AK8: variants seen among roughly 807,000 people sequenced by gnomAD.
AK8 encodes the protein ATP-AMP transphosphorylase 8.
Under a neutral mutation model 54.6 loss-of-function variants are expected in AK8, and 44 were observed. The ratio of observed to expected loss-of-function variants is 0.81; its 90% CI spans 0.63 to 1.04. The LOEUF (loss-of-function observed/expected upper bound fraction) is 1.04, where lower values mean the gene tolerates loss of function less well. AK8 is among the 50% of genes least tolerant of loss of function. The pLI is 0.00. For missense variants in AK8, 555 were observed against 613.6 expected (o/e 0.90, Z 1.01); for synonymous variants, 239 against 245.6 (o/e 0.97, Z 0.25).
chr9:132,778,772 T>C (rs1367614824), intron 11 of AK8, among the ~76,000 whole-genome samples: 1 of 152,090 alleles, frequency 6.6e-6, no homozygotes, highest in Non-Finnish European at 1.5e-5. Flanking sequence ...TTGGACATAA[T>C]TGAAACAAAA....
intron 5 of AK8, among the ~76,000 whole-genome samples, chr9:132,850,545 C>T (rs1049040911): frequency 6.6e-6 from 1 of 152,050 alleles, no homozygotes; most frequent in East Asian, 1.9e-4. Context: ...TTACAGGCAC[C>T]CACCACCATG....
At chr9:132,740,730 G>A (rs1361416258) in intron 11 of AK8, among the ~76,000 whole-genome samples, 2 of 152,232 alleles carry the variant, frequency 1.3e-5, no homozygotes, top group East Asian at 3.9e-4. Flanking sequence ...CCCCACTCTG[G>A]GGCTGCATCC....
At chr9:132,835,325 T>C (rs770139088) in intron 5 of AK8, among the ~76,000 whole-genome samples, 8 of 152,206 alleles carry the variant, frequency 5.3e-5, no homozygotes, top group Non-Finnish European at 1.2e-4. Flanking sequence ...AGCTCTGAGG[T>C]TGGCCCCAAG....
At chr9:132,839,787 CTG>C (rs940386228) in intron 5 of AK8, among the ~76,000 whole-genome samples, 4 of 138,150 alleles carry the variant, frequency 2.9e-5, no homozygotes, top group Admixed American at 1.6e-4. Context: ...ATACCTGAAA[CTG>C]TGTAAATTGT....
chr9:132,798,731 C>T (rs969440151), intron 10 of AK8, among the ~76,000 whole-genome samples: 5 of 151,466 alleles, frequency 3.3e-5, no homozygotes, highest in African/African-American at 4.8e-5. Flanking sequence ...TAAAAGATGG[C>T]AGTCCTCAAG....
intron 8 of AK8, among the ~76,000 whole-genome samples, chr9:132,824,300 A>AC (rs1174843877): frequency 1.3e-5 from 2 of 152,114 alleles, no homozygotes; most frequent in Non-Finnish European, 2.9e-5. Flanking sequence ...CCCCAGGGAG[A>AC]CCTTCCCCCT....
At chr9:132,836,780 C>T (rs1842341610) in intron 5 of AK8, among the ~76,000 whole-genome samples, 1 of 152,242 alleles carries the variant, frequency 6.6e-6, no homozygotes, top group African/African-American at 2.4e-5. Context: ...ATCACTTGGC[C>T]AGCTGCCCTC....
intron 11 of AK8, among the ~76,000 whole-genome samples, chr9:132,731,034 G>C (rs1267887405): frequency 6.6e-6 from 1 of 152,162 alleles, no homozygotes; most frequent in Non-Finnish European, 1.5e-5. Context: ...GAACTACCGG[G>C]TATGGATCAT....
intron 11 of AK8, among the ~76,000 whole-genome samples, chr9:132,789,597 C>CAAAAAAAAAAAAAAAAA (rs578003731): frequency 1.7e-5 from 1 of 57,548 alleles, no homozygotes; most frequent in Non-Finnish European, 3.1e-5. Flanking sequence ...ACTCATCTCA[C>CAAAAAAAAAAAAAAAAA]AAAAAAAAAA....
intron 10 of AK8, among the ~76,000 whole-genome samples, chr9:132,792,978 T>C (rs1193086430): frequency 6.6e-6 from 1 of 152,208 alleles, no homozygotes; most frequent in Non-Finnish European, 1.5e-5. Context: ...AGATGGGAAA[T>C]GCACTGGCTG....
intron 11 of AK8, among the ~76,000 whole-genome samples, chr9:132,762,467 G>A (rs1838525967): frequency 6.6e-6 from 1 of 152,178 alleles, no homozygotes; most frequent in Non-Finnish European, 1.5e-5. Flanking sequence ...ACCCCAGGAA[G>A]ATGACTAGCT....
intron 5 of AK8, 142 bp from the exon 6 acceptor site, chr9:132,828,868 C>T (rs982208054): frequency 2.2e-5 from 11 of 508,682 alleles, no homozygotes; most frequent in Non-Finnish European, 3.8e-5. Context: ...CCTCACCCTT[C>T]TTTAAAAACT....
At chr9:132,729,004 T>C (rs1223112928) in intron 11 of AK8, among the ~76,000 whole-genome samples, 1 of 152,094 alleles carries the variant, frequency 6.6e-6, no homozygotes, top group Non-Finnish European at 1.5e-5. Flanking sequence ...CATCTCAGCA[T>C]CCTGAGTAGC....
chr9:132,793,544 C>T (rs772429952), intron 10 of AK8, among the ~76,000 whole-genome samples: 1 of 152,172 alleles, frequency 6.6e-6, no homozygotes, highest in Non-Finnish European at 1.5e-5. Context: ...CCAAAATTCT[C>T]CAATTCTCCC....
At position 132,770,921 on chromosome 9, in the gene AK8, G is replaced by A. The variant is rs1264780671; in HGVS notation, c.1121+21713C>T. 6.6e-6 allele frequency among the ~76,000 whole-genome samples: 1 copy of A among 152,218 alleles called. No homozygotes were observed. Among genetic ancestry groups the A allele is most frequent in the African/African-American group, 2.4e-5 (1 of 41,458 alleles). ...GCTTCCCCCATCTCATCTCAGTGGGGAGGGAGCAGCTGGTGGCCTCGGCAA... is the reference window on the plus strand; with the variant it reads ...GCTTCCCCCATCTCATCTCAGTGGGAAGGGAGCAGCTGGTGGCCTCGGCAA... On this transcript the variant is annotated intron_variant, in intron 11 of 12. Coordinates refer to ENST00000298545, the MANE Select transcript of AK8 (RefSeq NM_152572.3). The surrounding 1 kb of genome is among the most constrained non-coding windows in gnomAD (Gnocchi z 4.3).
rs115052127 is a variant in AK8 at position 132,794,676 on chromosome 9, T to C, written c.980-1901A>G. Among the ~76,000 whole-genome samples, 423 of 152,346 alleles carry C rather than the reference T, an allele frequency of 2.8e-3. 4 individuals carry two copies. Among genetic ancestry groups the C allele is most frequent in the African/African-American group, 9.5e-3 (396 of 41,552 alleles). ...GCCTAGAAAGATGTCTGGCACATAG[T>C]AGGTGTTGAATAAATAGAAGGCTTC... is the stretch of plus-strand genomic sequence containing the variant. On this transcript the variant is annotated intron_variant, in intron 10 of 12. Coordinates refer to ENST00000298545, the MANE Select transcript of AK8 (RefSeq NM_152572.3).
Position 132,812,048 on chromosome 9 carries a change from C to T in AK8, c.979+2590G>A, listed in dbSNP as rs556394345. On this transcript the variant is annotated intron_variant, in intron 10 of 12. Coordinates refer to ENST00000298545, the MANE Select transcript of AK8 (RefSeq NM_152572.3). ...GGAATTAAATTATCTTCCAGGCATA[C>T]TATGGAATACTACTAGCAACCCTTG... Among the ~76,000 whole-genome samples the T allele has an allele frequency of 7.2e-5, 11 of 152,174 alleles. No homozygotes were observed. The East Asian group carries it at 1.9e-3, about 27-fold the overall frequency.
At chr9:132,821,826 TAC>T (rs1334110682) in intron 9 of AK8, among the ~76,000 whole-genome samples, 1 of 118,754 alleles carries the variant, frequency 8.4e-6, no homozygotes, top group Non-Finnish European at 1.7e-5. Context: ...TACAAATATA[TAC>T]ATATATGTGT....
chr9:132,878,094 C>G lies in AK8; in HGVS notation c.84+78G>C, dbSNP rs1355630493. On this transcript the variant is annotated intron_variant, in intron 1 of 12. Transcript: ENST00000298545. This position sits in a 1 kb window ranked among gnomAD's most constrained non-coding sequence, Gnocchi z 4.7. ...GCGCGACTCGGCCCCAGCTGCGGGT[C>G]CCGGCCGCGCACCCGACGTCGCAGT... 6.5e-7 allele frequency: 1 copy of G among 1,536,594 alleles called. No homozygotes were observed.
Sources: allele counts gnomAD v4.1 joint callset (sites outside exome capture counted in the v4.1 genomes callset), GRCh38; gene constraint gnomAD v4.1.1; non-coding constraint Gnocchi (gnomAD v3.1); transcripts MANE v1.5; gene names NCBI Gene and HGNC (gene_info 2026-07-23, HGNC 2026-07-21).